Variants in EIF4G3 observed in about 807,000 individuals in gnomAD.
The protein encoded by EIF4G3 is eukaryotic translation initiation factor 4 gamma 3.
In EIF4G3, 34 loss-of-function variants were observed where a neutral mutation model predicts 186.4. The ratio of observed to expected loss-of-function variants is 0.18; its 90% CI spans 0.14 to 0.24. EIF4G3 has a LOEUF of 0.24. EIF4G3 is among the 10% of genes least tolerant of loss of function. The pLI is 1.00. For synonymous variants in EIF4G3, 673 were observed against 679.5 expected (o/e 0.99, Z 0.15); for missense variants, 1,536 against 1,948.5 (o/e 0.79, Z 3.99).
chr1:20,893,486 A>T, intron 18 of EIF4G3, 31 bp downstream of exon 18: 1 of 1,568,060 alleles, frequency 6.4e-7, no homozygotes, highest in Admixed American at 1.7e-5. Context: ...CCAGTGTCTA[A>T]CTAAGTGAGT....
At chr1:21,166,394 C>T (rs2097855893) in intron 2 of EIF4G3, among the ~76,000 whole-genome samples, 1 of 152,104 alleles carries the variant, frequency 6.6e-6, no homozygotes, top group Non-Finnish European at 1.5e-5. Flanking sequence ...TATGCCACTA[C>T]ACTCCAGCCT....
At chr1:21,103,129 A>G (rs1026411466) in intron 2 of EIF4G3, among the ~76,000 whole-genome samples, 2 of 152,194 alleles carry the variant, frequency 1.3e-5, no homozygotes, top group African/African-American at 4.8e-5. Context: ...TAATATAAGC[A>G]TTGGTGTGAT....
At chr1:21,022,002 AAAC>A (rs1476045413) in intron 4 of EIF4G3, among the ~76,000 whole-genome samples, 2 of 152,226 alleles carry the variant, frequency 1.3e-5, no homozygotes, top group African/African-American at 4.8e-5. Context: ...TTCTATTTCA[AAAC>A]AACATTTGCT....
intron 14 of EIF4G3, chr1:20,941,254 T>G: frequency 6.5e-7 from 1 of 1,547,676 alleles, no homozygotes; most frequent in Non-Finnish European, 8.7e-7. Flanking sequence ...TTTCGTGACA[T>G]ATACCTTGGA....
intron 7 of EIF4G3, among the ~76,000 whole-genome samples, chr1:20,995,326 A>G (rs2082055466): frequency 6.6e-6 from 1 of 152,146 alleles, no homozygotes; most frequent in South Asian, 2.1e-4. Flanking sequence ...AAGAGTTACT[A>G]GTCTTAATAA....
chr1:21,142,870 C>T (rs1157632982), intron 2 of EIF4G3, among the ~76,000 whole-genome samples: 1 of 152,134 alleles, frequency 6.6e-6, no homozygotes, highest in African/African-American at 2.4e-5. Flanking sequence ...AAGCAGCATC[C>T]ATAAGTAATT....
At chr1:20,934,765 T>C (rs1409255446) in intron 14 of EIF4G3, among the ~76,000 whole-genome samples, 5 of 152,046 alleles carry the variant, frequency 3.3e-5, no homozygotes, top group Non-Finnish European at 5.9e-5. Context: ...TTTTGATAGG[T>C]ATGTTTTTCA....
At chr1:21,046,184 G>T (rs1271859118) in intron 4 of EIF4G3, among the ~76,000 whole-genome samples, 1 of 152,348 alleles carries the variant, frequency 6.6e-6, no homozygotes, top group East Asian at 1.9e-4. Context: ...TTGTTCAAAA[G>T]TGTTGCCATT....
chr1:20,842,895 AG>A (rs1422006060), intron 29 of EIF4G3, among the ~76,000 whole-genome samples: 1 of 148,206 alleles, frequency 6.7e-6, no homozygotes, highest in Non-Finnish European at 1.5e-5. Context: ...CCCAGGCTAG[AG>A]TGTAGTGGCA....
At position 20,811,583 on chromosome 1, in the gene EIF4G3, C is replaced by T. The variant is rs570483163; in HGVS notation, c.4598-699G>A. On this transcript the variant is annotated intron_variant, in intron 35 of 36. Coordinates refer to ENST00000602326, the MANE Select transcript of EIF4G3 (RefSeq NM_001391906.1). Reference sequence around the variant, plus strand: ...GGGGATGCATTTTGAATGCTGGTTTCCCTCAGGAGTAGCGTACCCAATTAT... The same window carrying T: ...GGGGATGCATTTTGAATGCTGGTTTTCCTCAGGAGTAGCGTACCCAATTAT... 2.1e-4 allele frequency among the ~76,000 whole-genome samples: 32 copies of T among 152,292 alleles called. No homozygotes were observed. In the South Asian group the frequency reaches 6.2e-3, roughly 30 times the overall value.
chr1:20,951,095 G>C (rs1441640321), intron 12 of EIF4G3, among the ~76,000 whole-genome samples: 6 of 151,798 alleles, frequency 4.0e-5, no homozygotes, highest in African/African-American at 1.5e-4. Context: ...TGGGGAGTAG[G>C]GATGGGGAGA....
chr1:20,973,175 C>CATTGCTAG, intron 10 of EIF4G3, 76 bp from the exon 11 acceptor site: 1 of 1,068,134 alleles, frequency 9.4e-7, no homozygotes, highest in Non-Finnish European at 1.4e-6. Flanking sequence ...GACACTGTGT[C>CATTGCTAG]TCTGCACAAT....
intron 4 of EIF4G3, among the ~76,000 whole-genome samples, chr1:21,018,909 A>T (rs898151803): frequency 1.4e-5 from 2 of 147,738 alleles, no homozygotes; most frequent in Non-Finnish European, 3.0e-5. Flanking sequence ...CAGAACCATG[A>T]GACTAATAAA....
At chr1:20,998,532 T>C (rs2082798332) in intron 6 of EIF4G3, among the ~76,000 whole-genome samples, 1 of 152,132 alleles carries the variant, frequency 6.6e-6, no homozygotes, top group African/African-American at 2.4e-5. Context: ...TTCCAACTCT[T>C]CTACTAACTC....
intron 29 of EIF4G3, among the ~76,000 whole-genome samples, chr1:20,845,190 C>T (rs2070404925): frequency 6.6e-6 from 1 of 152,116 alleles, no homozygotes. Context: ...GCCAGGTATC[C>T]CAATACCATT....
At chr1:21,137,274 C>G (rs946604301) in intron 2 of EIF4G3, among the ~76,000 whole-genome samples, 1 of 151,608 alleles carries the variant, frequency 6.6e-6, no homozygotes, top group African/African-American at 2.4e-5. Flanking sequence ...CTGATGACTA[C>G]CTGGGGCTAC....
chr1:20,969,428 G>A, intron 12 of EIF4G3, 46 bp downstream of exon 12: 1 of 1,609,698 alleles, frequency 6.2e-7, no homozygotes, highest in Non-Finnish European at 8.5e-7. Flanking sequence ...TTCAGTAGAG[G>A]TTAGTGAACA....
chr1:21,079,884 G>C (rs1004398252), intron 3 of EIF4G3, among the ~76,000 whole-genome samples: 2 of 151,064 alleles, frequency 1.3e-5, no homozygotes, highest in Non-Finnish European at 2.9e-5. Flanking sequence ...GGGTGCGGTG[G>C]CTCACTCCTG....
At chr1:20,985,529 A>ATAT (rs11443578) in intron 7 of EIF4G3, among the ~76,000 whole-genome samples, 10 of 151,168 alleles carry the variant, frequency 6.6e-5, no homozygotes, top group South Asian at 6.3e-4. Context: ...AAAAAAAAAA[A>ATAT]ATATATATCC....
Sources: allele counts gnomAD v4.1 joint callset (sites outside exome capture counted in the v4.1 genomes callset), GRCh38; gene constraint gnomAD v4.1.1; transcripts MANE v1.5; gene names NCBI Gene and HGNC (gene_info 2026-07-23, HGNC 2026-07-21).